Variants in LRRC9 observed in about 807,000 individuals in gnomAD.
LRRC9 encodes leucine rich repeat containing 9, also known as leucine-rich repeat-containing protein 9.
LRRC9 carries 122 observed loss-of-function variants against 63.2 expected under a neutral mutation model. That is an observed-to-expected ratio of 1.93 (90% CI 1.67 to 2.24). LRRC9 has a LOEUF of 2.24. Among genes scored for constraint, LRRC9 ranks in the 30% most tolerant of loss-of-function variants. The pLI is 0.00. For missense variants in LRRC9, 1,071 were observed against 627.7 expected (o/e 1.71, Z -7.55); for synonymous variants, 366 against 213.1 (o/e 1.72, Z -6.25).
chr14:59,952,115 A>T (rs886980892), intron 8 of LRRC9, among the ~76,000 whole-genome samples: 1 of 151,858 alleles, frequency 6.6e-6, no homozygotes, highest in Non-Finnish European at 1.5e-5. Flanking sequence ...GCCGCCTTGC[A>T]GTTTGATCTC....
intron 10 of LRRC9, among the ~76,000 whole-genome samples, chr14:59,963,511 T>TA (rs76630579): frequency 0.017 from 2,288 of 136,920 alleles, 51 homozygotes; most frequent in East Asian, 0.061. Flanking sequence ...TATTTACAAC[T>TA]AAAAAAAAAA....
intron 23 of LRRC9, among the ~76,000 whole-genome samples, chr14:60,011,328 C>G (rs1446795988): frequency 6.6e-6 from 1 of 152,144 alleles, no homozygotes. Flanking sequence ...AAAAACCCAC[C>G]CCCATGATTC....
intron 3 of LRRC9, among the ~76,000 whole-genome samples, chr14:59,929,561 C>T (rs1051595537): frequency 2.0e-5 from 3 of 152,074 alleles, no homozygotes; most frequent in Non-Finnish European, 4.4e-5. Context: ...TTCAACCCAG[C>T]AATTCCATTA....
chr14:60,020,117 G>A (rs769135028), intron 26 of LRRC9, among the ~76,000 whole-genome samples: 4 of 151,536 alleles, frequency 2.6e-5, no homozygotes, highest in Non-Finnish European at 4.4e-5. Context: ...TCTCTCCCCC[G>A]ACACCCTGGC....
Position 59,928,490 on chromosome 14 carries a change from A to G in LRRC9, c.267+4A>G, listed in dbSNP as rs1168358018. Reference sequence around the variant, plus strand: ...GATTGCTGAGTGCTGCATAGAGGTAAGTGTAAACATAAAACCTCACATGGA... The same window carrying G: ...GATTGCTGAGTGCTGCATAGAGGTAGGTGTAAACATAAAACCTCACATGGA... On this transcript the variant is annotated splice_donor_region_variant and intron_variant, in intron 3 of 31. Coordinates refer to ENST00000445360, the Ensembl canonical transcript of LRRC9. The G allele has an allele frequency of 6.2e-6, 4 of 643,082 alleles. No homozygotes were observed. The highest frequency in any genetic ancestry group is 1.1e-5 in the Non-Finnish European group (4 of 363,990). 39.8% of individuals were successfully genotyped at this position (643,082 alleles called of 1,614,324 possible).
chr14:60,007,966 T>C (rs942836149), intron 22 of LRRC9, 126 bp from the exon 23 acceptor site: 7 of 389,966 alleles, frequency 1.8e-5, no homozygotes, highest in African/African-American at 4.3e-5. Flanking sequence ...AAAAAAAGTA[T>C]ACTTAAAGGC....
chr14:59,949,458 A>T (rs1882855256), intron 8 of LRRC9, among the ~76,000 whole-genome samples: 1 of 149,922 alleles, frequency 6.7e-6, no homozygotes, highest in Non-Finnish European at 1.5e-5. Context: ...TCAAAAAACC[A>T]GCTCCTGGAT....
At chr14:60,044,310 T>C (rs1021122580) in intron 29 of LRRC9, among the ~76,000 whole-genome samples, 1 of 152,116 alleles carries the variant, frequency 6.6e-6, no homozygotes, top group Non-Finnish European at 1.5e-5. Context: ...GCTCTGATAT[T>C]TATTATTTCT....
intron 13 of LRRC9, among the ~76,000 whole-genome samples, chr14:59,976,411 C>T (rs1010230917): frequency 6.6e-6 from 1 of 152,118 alleles, no homozygotes; most frequent in Non-Finnish European, 1.5e-5. Flanking sequence ...TAACTTAATT[C>T]TATAAGAATG....
chr14:60,039,794 G>C (rs1892784305), intron 29 of LRRC9, among the ~76,000 whole-genome samples: 4 of 151,776 alleles, frequency 2.6e-5, no homozygotes, highest in African/African-American at 9.7e-5. Flanking sequence ...GTTATTTCTT[G>C]CCTTCTGCTA....
chr14:60,011,360 T>C (rs868856636), intron 23 of LRRC9, among the ~76,000 whole-genome samples: 1 of 152,154 alleles, frequency 6.6e-6, no homozygotes, highest in South Asian at 2.1e-4. Context: ...ACTGGGTCCC[T>C]CCCACAACAC....
chr14:59,969,919 G>C (rs1885286964), intron 12 of LRRC9, among the ~76,000 whole-genome samples: 1 of 152,112 alleles, frequency 6.6e-6, no homozygotes, highest in African/African-American at 2.4e-5. Flanking sequence ...TGCCATTCCT[G>C]CATGGTTAAT....
At chr14:59,943,671 G>C (rs1882032634) in intron 7 of LRRC9, among the ~76,000 whole-genome samples, 1 of 151,968 alleles carries the variant, frequency 6.6e-6, no homozygotes, top group African/African-American at 2.4e-5. Flanking sequence ...TTCAGTTGCA[G>C]TACTTCATAA....
intron 12 of LRRC9, among the ~76,000 whole-genome samples, chr14:59,973,801 T>TA (rs1391598513): frequency 6.6e-6 from 1 of 152,030 alleles, no homozygotes; most frequent in Admixed American, 6.6e-5. Flanking sequence ...AGATTTCAAT[T>TA]AAAAAAATAA....
chr14:60,049,189 G>A (rs952440427), intron 29 of LRRC9, among the ~76,000 whole-genome samples: 1 of 151,990 alleles, frequency 6.6e-6, no homozygotes, highest in South Asian at 2.1e-4. Flanking sequence ...ACTGATATTG[G>A]GGTCTTGGTT....
In LRRC9 at chr14:59,995,748, T is replaced by C. The variant is rs1594975180; in HGVS notation, c.2212-1908T>C. On this transcript the variant is annotated intron_variant, in intron 17 of 31. Coordinates refer to ENST00000445360, the Ensembl canonical transcript of LRRC9. ...AGGTTTTTTTTTTGTTATATTTTAT[T>C]TTATTTTGTTTTTGAGACGGAATGT... 5.3e-5 allele frequency among the ~76,000 whole-genome samples: 8 copies of C among 152,038 alleles called. No individual in the cohort carries two copies. The South Asian group carries it at 1.7e-3, about 32-fold the overall frequency.
intron 26 of LRRC9, among the ~76,000 whole-genome samples, chr14:60,021,159 T>C (rs190488339): frequency 4.7e-4 from 72 of 152,104 alleles, no homozygotes; most frequent in African/African-American, 1.6e-3. Flanking sequence ...ATGCTTGTTA[T>C]TGCCCATCTT....
chr14:59,985,706 T>C (rs1233398380), intron 17 of LRRC9, among the ~76,000 whole-genome samples: 1 of 152,174 alleles, frequency 6.6e-6, no homozygotes, highest in Admixed American at 6.5e-5. Context: ...GGATAAATTA[T>C]TTTTGTAATT....
Position 60,062,370 on chromosome 14 carries a change from G to C in LRRC9, c.4277-953G>C, listed in dbSNP as rs139101322. The stretch of plus-strand genomic sequence containing the variant: ...TTCACCAAACCTTTCCCAAAGTCCA[G>C]TGTATTTACATAGTAATTCAAAAAG... On this transcript the variant is annotated intron_variant, in intron 31 of 31. Coordinates refer to ENST00000445360, the Ensembl canonical transcript of LRRC9. Among the ~76,000 whole-genome samples, 758 of 152,214 alleles carry C rather than the reference G, an allele frequency of 5.0e-3. 3 individuals are homozygous for C. The highest frequency in any genetic ancestry group is 0.017 in the African/African-American group (723 of 41,532).
Sources: allele counts gnomAD v4.1 joint callset (sites outside exome capture counted in the v4.1 genomes callset), GRCh38; gene constraint gnomAD v4.1.1; transcripts MANE v1.5; gene names NCBI Gene and HGNC (gene_info 2026-07-23, HGNC 2026-07-21).